Variants in PEAK1 observed in about 807,000 individuals in gnomAD.
PEAK1 encodes the protein pseudopodium enriched atypical kinase 1.
A neutral mutation model predicts 124.7 loss-of-function variants in PEAK1; 54 were observed. The observed-to-expected ratio is 0.43, with a 90% CI of 0.35 to 0.54. The LOEUF is 0.54. Among genes scored for constraint, PEAK1 ranks in the 20% least tolerant of loss-of-function variants. The pLI is 0.01. For synonymous variants in PEAK1, 719 were observed against 760.0 expected (o/e 0.95, Z 0.89); for missense variants, 2,046 against 2,134.5 (o/e 0.96, Z 0.82).
intron 2 of PEAK1, chr15:77,349,732 A>G: frequency 4.1e-6 from 4 of 985,312 alleles, no homozygotes; most frequent in Non-Finnish European, 4.8e-6. Context: ...AAGTAGGTCA[A>G]TCATTCTTAG....
chr15:77,236,440 AT>A (rs150443984), intron 6 of PEAK1, among the ~76,000 whole-genome samples: 1 of 152,290 alleles, frequency 6.6e-6, no homozygotes, highest in East Asian at 1.9e-4. Context: ...CTATAGTCCC[AT>A]TGTTTTGGTC....
intron 5 of PEAK1, among the ~76,000 whole-genome samples, chr15:77,268,251 G>T (rs2061843225): frequency 6.6e-6 from 1 of 152,222 alleles, no homozygotes; most frequent in African/African-American, 2.4e-5. Context: ...GAGGTGGGCA[G>T]ATCACTTGAT....
At chr15:77,207,947 T>C (rs547346713) in intron 6 of PEAK1, among the ~76,000 whole-genome samples, 168 of 152,182 alleles carry the variant, frequency 1.1e-3, no homozygotes, top group Non-Finnish European at 2.0e-3. Flanking sequence ...TCCAGGCTCA[T>C]ACAGGTCTAG....
At chr15:77,241,506 T>C (rs1295383312) in intron 6 of PEAK1, among the ~76,000 whole-genome samples, 2 of 152,022 alleles carry the variant, frequency 1.3e-5, no homozygotes, top group East Asian at 1.9e-4. Flanking sequence ...GTAAAAGGCA[T>C]ATATATTGGA....
rs142691961 is a variant in PEAK1 at position 77,150,816 on chromosome 15, T to A, written c.3331+7687A>T. Among the ~76,000 whole-genome samples, 216 of 152,236 alleles carry A rather than the reference T, an allele frequency of 1.4e-3. 6 individuals carry two copies. The East Asian group carries it at 0.03, about 21-fold the overall frequency. On this transcript the variant is annotated intron_variant, in intron 8 of 9. Transcript: ENST00000682557. ...CTGAGAATGATGGTTTCCAATTTCA[T>A]CCGTGTCCCTACAAAGGACATGAAC...
chr15:77,239,349 G>A (rs1323511236), intron 6 of PEAK1, among the ~76,000 whole-genome samples: 2 of 151,914 alleles, frequency 1.3e-5, no homozygotes, highest in Admixed American at 1.3e-4. Flanking sequence ...TTGAACAAGG[G>A]TAAGAAACAC....
intron 6 of PEAK1, among the ~76,000 whole-genome samples, chr15:77,195,310 T>C (rs908316518): frequency 6.6e-6 from 1 of 152,152 alleles, no homozygotes; most frequent in African/African-American, 2.4e-5. Context: ...TTTTACTGTA[T>C]CATTAAAGTT....
At chr15:77,370,017 GT>G (rs569181296) in intron 1 of PEAK1, among the ~76,000 whole-genome samples, 53 of 152,238 alleles carry the variant, frequency 3.5e-4, no homozygotes, top group Middle Eastern at 3.4e-3. Flanking sequence ...TAAAAGTGAA[GT>G]GCTGATGACC....
At chr15:77,168,053 C>A (rs2056235846) in intron 7 of PEAK1, among the ~76,000 whole-genome samples, 1 of 151,850 alleles carries the variant, frequency 6.6e-6, no homozygotes, top group Admixed American at 6.6e-5. Flanking sequence ...CATGTCTCTA[C>A]AAAGGACATG....
chr15:77,198,932 C>G (rs933990687), intron 6 of PEAK1, among the ~76,000 whole-genome samples: 3 of 152,134 alleles, frequency 2.0e-5, no homozygotes, highest in African/African-American at 7.2e-5. Flanking sequence ...GCTTTTAGTG[C>G]AAATGAAGTG....
chr15:77,413,636 C>T (rs1050616853), intron 1 of PEAK1, among the ~76,000 whole-genome samples: 1 of 152,072 alleles, frequency 6.6e-6, no homozygotes, highest in African/African-American at 2.4e-5. Flanking sequence ...ACAACTAAAG[C>T]AATGCAATAT....
At chr15:77,282,158 C>T (rs868174965) in intron 5 of PEAK1, among the ~76,000 whole-genome samples, 1 of 152,154 alleles carries the variant, frequency 6.6e-6, no homozygotes, top group African/African-American at 2.4e-5. Flanking sequence ...CAAATATACA[C>T]ATACATACAT....
chr15:77,375,399 A>T (rs1395206571), intron 1 of PEAK1, among the ~76,000 whole-genome samples: 1 of 152,226 alleles, frequency 6.6e-6, no homozygotes, highest in African/African-American at 2.4e-5. Context: ...GCCTCAATGT[A>T]GTTAAAGTAA....
At chr15:77,286,881 C>G (rs535827405) in intron 2 of PEAK1, among the ~76,000 whole-genome samples, 1 of 152,186 alleles carries the variant, frequency 6.6e-6, no homozygotes, top group Admixed American at 6.5e-5. Context: ...TCCTACAGTT[C>G]TTAACCTTTT....
chr15:77,334,419 G>A (rs1323931693), intron 2 of PEAK1: 11 of 985,062 alleles, frequency 1.1e-5, no homozygotes, highest in Non-Finnish European at 1.1e-5. Flanking sequence ...CTCCCATCTT[G>A]CCAGGCTTCT....
At chr15:77,155,013 G>A (rs182866243) in intron 8 of PEAK1, among the ~76,000 whole-genome samples, 12 of 152,230 alleles carry the variant, frequency 7.9e-5, no homozygotes, top group East Asian at 5.8e-4. Context: ...TGTATTTCCC[G>A]AATCTGAATG....
Position 77,154,816 on chromosome 15 carries a change from C to T in PEAK1, c.3331+3687G>A, listed in dbSNP as rs866816423. Reference sequence around the variant, plus strand: ...TTTAAGAATGTTGAATATTGGCCCCCACTCTCTTCTGGCTTGTAGAGTTTC... The same window carrying T: ...TTTAAGAATGTTGAATATTGGCCCCTACTCTCTTCTGGCTTGTAGAGTTTC... On this transcript the variant is annotated intron_variant, in intron 8 of 9. Transcript: ENST00000682557. 5.6e-3 allele frequency among the ~76,000 whole-genome samples: 859 copies of T among 152,090 alleles called. 12 individuals are homozygous for T. The highest frequency in any genetic ancestry group is 0.022 in the Admixed American group (330 of 15,266).
At chr15:77,286,380 A>G (rs1478277925) in intron 3 of PEAK1, 43 bp downstream of exon 3, 1 of 1,015,866 alleles carries the variant, frequency 9.8e-7, no homozygotes, top group Non-Finnish European at 1.3e-6. Flanking sequence ...GAGATTTAAG[A>G]CCAGAATAAA....
At chr15:77,207,189 C>T (rs2864079) in intron 6 of PEAK1, among the ~76,000 whole-genome samples, 34,709 of 152,022 alleles carry the variant, frequency 0.23, 4,329 homozygotes, top group Middle Eastern at 0.3. Context: ...CATTACCATT[C>T]AGGACATAGG....
Sources: allele counts gnomAD v4.1 joint callset (sites outside exome capture counted in the v4.1 genomes callset), GRCh38; gene constraint gnomAD v4.1.1; transcripts MANE v1.5; gene names NCBI Gene and HGNC (gene_info 2026-07-23, HGNC 2026-07-21).